CHIC2: variants seen among roughly 807,000 people sequenced by gnomAD.
The protein encoded by CHIC2 is cysteine-rich hydrophobic domain-containing protein 2.
CHIC2 carries 14 observed loss-of-function variants against 25.9 expected under a neutral mutation model. That is an observed-to-expected ratio of 0.54 (90% CI 0.36 to 0.85). The LOEUF (loss-of-function observed/expected upper bound fraction) is 0.85. Ranked by LOEUF, CHIC2 falls within the 40% of genes least tolerant of loss-of-function variation. CHIC2 has a pLI of 0.01. For synonymous variants in CHIC2, 70 were observed against 72.0 expected, an observed-to-expected ratio of 0.97 and a Z score of 0.14; for missense variants, 146 against 202.0, an observed-to-expected ratio of 0.72 and a Z score of 1.68.
chr4:54,027,800 G>A (rs1406212837), intron 3 of CHIC2, among the ~76,000 whole-genome samples: 1 of 152,068 alleles, frequency 6.6e-6, no homozygotes, highest in Non-Finnish European at 1.5e-5. Context: ...TTCAAGAAAG[G>A]ATCTAATACT....
intron 3 of CHIC2, among the ~76,000 whole-genome samples, chr4:54,045,527 A>G (rs1716755935): frequency 6.6e-6 from 1 of 152,200 alleles, no homozygotes; most frequent in Non-Finnish European, 1.5e-5. Flanking sequence ...TCCAGCATAT[A>G]AACAGAACCA....
In CHIC2 at chr4:54,049,084, G is replaced by A. The variant is rs1577982292; in HGVS notation, c.201C>T (p.Ser67=). 4 of 1,607,800 alleles carry A rather than the reference G, an allele frequency of 2.5e-6. No homozygotes were observed. The change falls in exon 3 of 6, where the codon AGC becomes AGT. Residue 67 remains serine, a synonymous_variant. Transcript: ENST00000263921. The part of the protein sequence containing the change: ...GKVAPEEFKA[S]INRVNSCLKK... Reference sequence around the variant, plus strand: ...TAAGACAACTGTTAACTCTGTTGATGCTGGCTTTAAATTCTTCAGGAGCTA... The same window carrying A: ...TAAGACAACTGTTAACTCTGTTGATACTGGCTTTAAATTCTTCAGGAGCTA...
intron 3 of CHIC2, among the ~76,000 whole-genome samples, chr4:54,033,298 G>C (rs1418679283): frequency 6.6e-6 from 1 of 152,136 alleles, no homozygotes; most frequent in African/African-American, 2.4e-5. Context: ...CTAATGGTTA[G>C]TGATGTTGAG....
At chr4:54,073,479 C>T in the CHIC2 span, among the ~76,000 whole-genome samples, 1 of 152,216 alleles carries the variant, frequency 6.6e-6, no homozygotes, top group Non-Finnish European at 1.5e-5. Flanking sequence ...GAGGAAGCCA[C>T]TCACCATGTC....
At chr4:54,064,774 T>C (rs1377700192), upstream of CHIC2, 2 of 460,962 alleles carry the variant, frequency 4.3e-6, no homozygotes, top group Non-Finnish European at 5.7e-6. The surrounding 1 kb of genome is among the most constrained non-coding windows in gnomAD (Gnocchi z 4.2). Flanking sequence ...GGCCACCGTC[T>C]TTCCTCTGCT....
chr4:54,084,749 G>A, the CHIC2 span, among the ~76,000 whole-genome samples: 1 of 151,830 alleles, frequency 6.6e-6, no homozygotes, highest in Admixed American at 6.6e-5. Context: ...AGACCAACCT[G>A]GCCAACATGG....
At chr4:54,034,339 A>G (rs7664250) in intron 3 of CHIC2, among the ~76,000 whole-genome samples, 51,750 of 151,576 alleles carry the variant, frequency 0.34, 9,132 homozygotes, top group Middle Eastern at 0.43. Context: ...GGGAGGCAGA[A>G]GTTGTGGTGA....
At chr4:54,052,981 CTT>C (rs1717053912) in intron 1 of CHIC2, among the ~76,000 whole-genome samples, 2 of 135,848 alleles carry the variant, frequency 1.5e-5, no homozygotes, top group Non-Finnish European at 2.9e-5. Context: ...AGAAAATTAT[CTT>C]ATCTCAATAT....
chr4:54,047,654 TG>T (rs1389553130), intron 3 of CHIC2, among the ~76,000 whole-genome samples: 2 of 58,022 alleles, frequency 3.4e-5, no homozygotes, highest in African/African-American at 1.4e-4. Context: ...TGTTGTGGGG[TG>T]GGGGGAGGGG....
At chr4:54,021,499 C>G (rs181302691) in intron 3 of CHIC2, among the ~76,000 whole-genome samples, 2 of 152,220 alleles carry the variant, frequency 1.3e-5, no homozygotes, top group Admixed American at 6.5e-5. Context: ...TCAGCCTCTG[C>G]TCCCCGACCC....
At chr4:54,073,988 C>G in the CHIC2 span, among the ~76,000 whole-genome samples, 28 of 152,118 alleles carry the variant, frequency 1.8e-4, no homozygotes, top group African/African-American at 6.3e-4. Context: ...AACCCTGTCT[C>G]TACTAAAAAA....
At chr4:54,043,228 TG>T in intron 3 of CHIC2, among the ~76,000 whole-genome samples, 1 of 152,258 alleles carries the variant, frequency 6.6e-6, no homozygotes, top group Non-Finnish European at 1.5e-5. Context: ...GAGACCATCC[TG>T]CCTAACACAG....
the CHIC2 span, among the ~76,000 whole-genome samples, chr4:54,091,318 G>A: frequency 2.6e-5 from 4 of 152,254 alleles, no homozygotes; most frequent in Middle Eastern, 3.4e-3. Flanking sequence ...ACTGGGCTGC[G>A]CCCGTAGCGC....
At chr4:54,080,160 GTGTATATATATA>G in the CHIC2 span, among the ~76,000 whole-genome samples, 35 of 139,326 alleles carry the variant, frequency 2.5e-4, no homozygotes, top group African/African-American at 8.8e-4. Context: ...GTATATGTAT[GTGTATATATATA>G]TGTGTATATA....
At chr4:54,075,868 TA>T in the CHIC2 span, among the ~76,000 whole-genome samples, 3 of 152,328 alleles carry the variant, frequency 2.0e-5, no homozygotes, top group East Asian at 5.8e-4. Context: ...AGTATTTACA[TA>T]CTGCTTAATA....
At chr4:54,086,543 GATAAAC>G in the CHIC2 span, among the ~76,000 whole-genome samples, 38 of 152,166 alleles carry the variant, frequency 2.5e-4, no homozygotes, top group East Asian at 4.6e-3. Context: ...AGATTCAGAC[GATAAAC>G]ATAAACAGAA....
At position 54,011,883 on chromosome 4, in the gene CHIC2, ATTTTC is replaced by A. The variant is rs763068670; in HGVS notation, c.448-1743_448-1739del. Among the ~76,000 whole-genome samples the A allele has an allele frequency of 3.3e-5, 5 of 152,014 alleles. No individual in the cohort carries two copies. In the East Asian group the frequency reaches 5.8e-4, roughly 18 times the overall value. ...GTTCAAATTATAATCAAGGATAATTATTTTCTTTTAACAAAATTAAATTCCTGTAA... is the reference window on the plus strand; with the variant it reads ...GTTCAAATTATAATCAAGGATAATTATTTTAACAAAATTAAATTCCTGTAA... On this transcript the variant is annotated intron_variant, in intron 5 of 5. Transcript: ENST00000263921.
upstream of CHIC2, chr4:54,065,325 G>A (rs1437578009): frequency 1.0e-6 from 1 of 984,204 alleles, no homozygotes; most frequent in Non-Finnish European, 1.2e-6. Flanking sequence ...ATTAGAAGAT[G>A]CAGTTTCTTG....
chr4:54,013,686 A>G (rs1190501831), intron 5 of CHIC2, 151 bp downstream of exon 5: 1 of 665,758 alleles, frequency 1.5e-6, no homozygotes, highest in Non-Finnish European at 2.6e-6. Flanking sequence ...TGCACATGAA[A>G]CCATGCATCT....
Sources: gnomAD v4.1 joint callset for allele counts (sites outside exome capture counted in the v4.1 genomes callset) on GRCh38, gnomAD v4.1.1 for gene constraint, Gnocchi (gnomAD v3.1) non-coding constraint, MANE v1.5 for transcripts, NCBI Gene and HGNC (gene_info 2026-07-23, HGNC 2026-07-21) for gene names.